PHF20: variants seen among roughly 807,000 people sequenced by gnomAD.
The protein encoded by PHF20 is glioma-expressed antigen 2.
Under a neutral mutation model 113.5 loss-of-function variants are expected in PHF20, and 23 were observed. That is an observed-to-expected ratio of 0.20 (90% CI 0.15 to 0.29). The LOEUF (loss-of-function observed/expected upper bound fraction) is 0.29, where lower values mean the gene tolerates loss of function less well. Ranked by LOEUF, PHF20 falls within the 10% of genes least tolerant of loss-of-function variation. The pLI, the probability that PHF20 is intolerant of heterozygous loss-of-function variation, is 1.00. For missense variants in PHF20, 943 were observed against 1,219.6 expected (o/e 0.77, Z 3.38); for synonymous variants, 434 against 457.3 (o/e 0.95, Z 0.65).
At chr20:35,903,083 T>C (rs1442425045) in intron 10 of PHF20, among the ~76,000 whole-genome samples, 1,442 of 132,404 alleles carry the variant, frequency 0.011, 31 homozygotes, top group African/African-American at 0.041. Flanking sequence ...CTTTCTTTTT[T>C]TTTTTTTTTT....
intron 2 of PHF20, among the ~76,000 whole-genome samples, chr20:35,810,050 C>T (rs926900706): frequency 6.6e-6 from 1 of 152,082 alleles, no homozygotes; most frequent in Non-Finnish European, 1.5e-5. Context: ...CTGCTTCAGC[C>T]TCCCAAGTAG....
chr20:35,839,104 T>C (rs961512845), intron 2 of PHF20, among the ~76,000 whole-genome samples: 3 of 151,644 alleles, frequency 2.0e-5, no homozygotes, highest in African/African-American at 7.3e-5. Context: ...AAGAAAGTGG[T>C]TTGAAGCCAG....
chr20:35,921,754 AT>A (rs922336604), intron 13 of PHF20, among the ~76,000 whole-genome samples: 6 of 139,140 alleles, frequency 4.3e-5, no homozygotes, highest in Non-Finnish European at 7.7e-5. Context: ...TTTTTAGTAG[AT>A]TTTTTTTAAG....
chr20:35,895,925 G>A (rs879790524), intron 9 of PHF20, among the ~76,000 whole-genome samples: 2 of 152,228 alleles, frequency 1.3e-5, no homozygotes, highest in East Asian at 3.9e-4. Flanking sequence ...GACGTCATAT[G>A]ATCCGCCTGC....
In PHF20 at chr20:35,809,253, A is replaced by G. The variant is rs77241438; in HGVS notation, c.83+7648A>G. Among the ~76,000 whole-genome samples, 53 of 148,318 alleles carry G rather than the reference A, an allele frequency of 3.6e-4. 1 individual carries two copies. The East Asian group carries it at 0.01, about 29-fold the overall frequency. On this transcript the variant is annotated intron_variant, in intron 2 of 17. Coordinates refer to ENST00000374012, the MANE Select transcript of PHF20 (RefSeq NM_016436.5). The stretch of plus-strand genomic sequence containing the variant: ...ACAGAGCAAAGCTCTGTCTTGGAAG[A>G]AAAAAAAAACAAAGTTTCAACTTAA...
chr20:35,793,986 A>G (rs1292274244), intron 1 of PHF20, among the ~76,000 whole-genome samples: 5 of 120,312 alleles, frequency 4.2e-5, no homozygotes, highest in African/African-American at 1.7e-4. Context: ...CAAGAGCGGG[A>G]CTCTGTCTCA....
chr20:35,876,591 C>T (rs768171709), intron 9 of PHF20, among the ~76,000 whole-genome samples: 5 of 151,898 alleles, frequency 3.3e-5, no homozygotes, highest in Non-Finnish European at 7.4e-5. Context: ...AATTAAAAAG[C>T]CAGAGACGAA....
At chr20:35,794,590 A>G (rs2041630637) in intron 1 of PHF20, among the ~76,000 whole-genome samples, 1 of 152,164 alleles carries the variant, frequency 6.6e-6, no homozygotes, top group South Asian at 2.1e-4. Flanking sequence ...GGTGAGCACC[A>G]TTAGATTATC....
At chr20:35,896,283 A>G (rs994810615) in intron 9 of PHF20, among the ~76,000 whole-genome samples, 1 of 152,160 alleles carries the variant, frequency 6.6e-6, no homozygotes, top group African/African-American at 2.4e-5. Context: ...AAGGTTTAAC[A>G]GGCTACCTGC....
chr20:35,827,660 T>C (rs1170798956), intron 2 of PHF20, among the ~76,000 whole-genome samples: 1 of 151,712 alleles, frequency 6.6e-6, no homozygotes, highest in Non-Finnish European at 1.5e-5. Flanking sequence ...GGCGGGTGCC[T>C]GTAGTCCAGC....
intron 1 of PHF20, among the ~76,000 whole-genome samples, chr20:35,780,340 C>T (rs574179170): frequency 6.6e-6 from 1 of 150,966 alleles, no homozygotes; most frequent in East Asian, 2.0e-4. Flanking sequence ...ATTCTCCTGC[C>T]TCAGCCTCCT....
chr20:35,884,380 C>T (rs2054687851), intron 9 of PHF20, among the ~76,000 whole-genome samples: 1 of 152,160 alleles, frequency 6.6e-6, no homozygotes, highest in Non-Finnish European at 1.5e-5. Context: ...GAGGGCAACA[C>T]ATCTAGTCTA....
intron 10 of PHF20, among the ~76,000 whole-genome samples, chr20:35,906,043 A>G (rs2055194748): frequency 1.3e-5 from 2 of 152,222 alleles, no homozygotes; most frequent in Non-Finnish European, 2.9e-5. Context: ...AGTCCTGAAT[A>G]CAGGTTAGGC....
At chr20:35,874,354 G>A (rs532060912) in intron 9 of PHF20, among the ~76,000 whole-genome samples, 2 of 152,204 alleles carry the variant, frequency 1.3e-5, no homozygotes, top group African/African-American at 2.4e-5. Context: ...GGCAAAAAGC[G>A]ACAGTCATAT....
chr20:35,783,082 C>T (rs1418328449), intron 1 of PHF20, among the ~76,000 whole-genome samples: 1 of 152,050 alleles, frequency 6.6e-6, no homozygotes, highest in Non-Finnish European at 1.5e-5. Flanking sequence ...GCCTTGTAGT[C>T]CCAGCTCCTT....
intron 4 of PHF20, among the ~76,000 whole-genome samples, chr20:35,858,061 A>G (rs549491479): frequency 1.3e-5 from 2 of 152,306 alleles, no homozygotes; most frequent in Non-Finnish European, 2.9e-5. Context: ...GAAGCATCTA[A>G]AAACAAGTTT....
At chr20:35,814,601 C>T (rs1483767272) in intron 2 of PHF20, among the ~76,000 whole-genome samples, 3 of 150,222 alleles carry the variant, frequency 2.0e-5, no homozygotes, top group African/African-American at 2.4e-5. Flanking sequence ...AGGCCGGGCG[C>T]GGTGGCTCAC....
At chr20:35,942,817 A>G (rs55848222) in intron 17 of PHF20, among the ~76,000 whole-genome samples, 1,926 of 152,084 alleles carry the variant, frequency 0.013, 23 homozygotes, top group South Asian at 0.027. Flanking sequence ...AGATAAACTA[A>G]GCTTTCTTTC....
intron 2 of PHF20, among the ~76,000 whole-genome samples, chr20:35,813,728 C>A (rs1404375360): frequency 6.6e-6 from 1 of 151,870 alleles, no homozygotes. Context: ...CGTGGTGGCA[C>A]GCACTTGTAG....
Sources: allele counts gnomAD v4.1 joint callset (sites outside exome capture counted in the v4.1 genomes callset), GRCh38; gene constraint gnomAD v4.1.1; transcripts MANE v1.5; gene names NCBI Gene and HGNC (gene_info 2026-07-23, HGNC 2026-07-21).